Variants in ZNF804A observed in about 807,000 individuals in gnomAD.
ZNF804A encodes zinc finger protein 804A.
Under a neutral mutation model 16.5 loss-of-function variants are expected in ZNF804A, and 2 were observed. That is an observed-to-expected ratio of 0.12 (90% confidence interval 0.05 to 0.38). The LOEUF is 0.38. Ranked by LOEUF, ZNF804A falls within the 10% of genes least tolerant of loss-of-function variation. The pLI, the probability that ZNF804A is intolerant of heterozygous loss-of-function variation, is 0.99. For missense variants in ZNF804A, 1,473 were observed against 1,390.7 expected, an observed-to-expected ratio of 1.06 and a Z score of -0.94; for synonymous variants, 534 against 489.6, an observed-to-expected ratio of 1.09 and a Z score of -1.20.
chr2:184,917,672 T>G (rs1351792745), intron 2 of ZNF804A, among the ~76,000 whole-genome samples: 2 of 151,672 alleles, frequency 1.3e-5, no homozygotes, highest in Non-Finnish European at 2.9e-5. Flanking sequence ...CTATCATAGG[T>G]GTGTGTGTGT....
intron 1 of ZNF804A, among the ~76,000 whole-genome samples, chr2:184,615,959 C>G (rs1447031811): frequency 6.6e-6 from 1 of 152,138 alleles, no homozygotes; most frequent in African/African-American, 2.4e-5. Context: ...TTTTAAGTGA[C>G]AGAACTTGGC....
At chr2:184,663,654 C>A (rs1205251566) in intron 1 of ZNF804A, among the ~76,000 whole-genome samples, 1 of 152,018 alleles carries the variant, frequency 6.6e-6, no homozygotes, top group Non-Finnish European at 1.5e-5. Context: ...AGTCCATGGC[C>A]CAGATTGGGA....
chr2:184,914,700 A>G (rs1411024573), intron 2 of ZNF804A, among the ~76,000 whole-genome samples: 1 of 152,122 alleles, frequency 6.6e-6, no homozygotes, highest in Admixed American at 6.6e-5. Context: ...AATTGTAACT[A>G]TATATACATA....
intron 2 of ZNF804A, among the ~76,000 whole-genome samples, chr2:184,912,072 A>C (rs1350489005): frequency 5.9e-5 from 9 of 151,972 alleles, no homozygotes. Context: ...ACATTTACAT[A>C]GTGTGAACAC....
chr2:184,867,710 C>A (rs907848653), intron 2 of ZNF804A, among the ~76,000 whole-genome samples: 2 of 152,036 alleles, frequency 1.3e-5, no homozygotes, highest in African/African-American at 4.8e-5. Flanking sequence ...ATAAGTATAT[C>A]ATTGCTTGAT....
At chr2:184,728,040 A>G (rs959694614) in intron 1 of ZNF804A, among the ~76,000 whole-genome samples, 2 of 151,916 alleles carry the variant, frequency 1.3e-5, no homozygotes, top group East Asian at 3.9e-4. Context: ...TAATCAACAT[A>G]TAGCAGTCAG....
intron 2 of ZNF804A, among the ~76,000 whole-genome samples, chr2:184,885,702 C>T (rs11900885): frequency 0.062 from 9,418 of 152,082 alleles, 990 homozygotes; most frequent in African/African-American, 0.21. Context: ...ACTTACATGG[C>T]GGCAGCAAGA....
At chr2:184,802,438 T>C (rs765099178) in intron 1 of ZNF804A, among the ~76,000 whole-genome samples, 2 of 152,246 alleles carry the variant, frequency 1.3e-5, no homozygotes, top group Non-Finnish European at 2.9e-5. Flanking sequence ...TCCACAAATA[T>C]GTGGAAACTG....
intron 1 of ZNF804A, among the ~76,000 whole-genome samples, chr2:184,847,882 A>T (rs540343603): frequency 5.9e-5 from 9 of 152,090 alleles, no homozygotes; most frequent in African/African-American, 2.2e-4. Context: ...ATTGCAAAGG[A>T]TAAAACTCAG....
chr2:184,798,137 T>A (rs1014415420), intron 1 of ZNF804A, among the ~76,000 whole-genome samples: 1 of 151,716 alleles, frequency 6.6e-6, no homozygotes, highest in Non-Finnish European at 1.5e-5. Flanking sequence ...CCTTTATAGG[T>A]TACCTGGTTC....
At position 184,935,846 on chromosome 2, in the gene ZNF804A, A is replaced by C. The variant is rs1204277354; in HGVS notation, c.450A>C (p.Glu150Asp). Residue 150 changes from glutamate to aspartate, a missense_variant, in exon 4 of 4, where the codon GAA (glutamate) becomes GAC (aspartate). By Grantham distance (45) the Glu-to-Asp change is conservative (BLOSUM62 2). Transcript: ENST00000302277. ...TTACTGTGAGAGAAAACTGTAATGA[A>C]ATTTCCCAACGAGTTGTTGTGGATT... Reference protein sequence around the residue: ...TTVTVRENCNEISQRVVVDSV... With the variant: ...TTVTVRENCNDISQRVVVDSV... 1 of 1,613,686 alleles carries C rather than the reference A, an allele frequency of 6.2e-7. No individual in the cohort carries two copies.
chr2:184,929,947 T>A (rs1204087113), intron 2 of ZNF804A, among the ~76,000 whole-genome samples: 1 of 152,178 alleles, frequency 6.6e-6, no homozygotes, highest in East Asian at 1.9e-4. Flanking sequence ...GTAAGAATAA[T>A]CCAACCAGTG....
At chr2:184,825,435 A>G (rs531106860) in intron 1 of ZNF804A, among the ~76,000 whole-genome samples, 41 of 152,254 alleles carry the variant, frequency 2.7e-4, no homozygotes, top group Admixed American at 2.6e-3. Flanking sequence ...TTGTTTTCTT[A>G]TGCAATGTAG....
intron 1 of ZNF804A, among the ~76,000 whole-genome samples, chr2:184,697,504 T>C (rs946456772): frequency 6.6e-6 from 1 of 152,082 alleles, no homozygotes; most frequent in Non-Finnish European, 1.5e-5. Flanking sequence ...TTTACTAATA[T>C]ATAAATTTAA....
At chr2:184,763,630 C>CTCTT (rs1491488788) in intron 1 of ZNF804A, among the ~76,000 whole-genome samples, 8 of 21,256 alleles carry the variant, frequency 3.8e-4, no homozygotes, top group Non-Finnish European at 5.5e-4. Flanking sequence ...CTTCAAAGTG[C>CTCTT]TTTTTTTTTT....
chr2:184,684,012 T>C (rs1003311794), intron 1 of ZNF804A, among the ~76,000 whole-genome samples: 7 of 152,218 alleles, frequency 4.6e-5, no homozygotes, highest in African/African-American at 7.2e-5. Context: ...TACCTTGATC[T>C]CCTCTTCCAT....
At position 184,937,523 on chromosome 2, in the gene ZNF804A, A is replaced by G; in HGVS notation, c.2127A>G (p.Ile709Met). 1 of 1,612,110 alleles carries G rather than the reference A, an allele frequency of 6.2e-7. No individual in the cohort carries two copies. Among genetic ancestry groups the G allele is most frequent in the Non-Finnish European group, 8.5e-7 (1 of 1,179,308 alleles). Residue 709 changes from isoleucine (I) to methionine (M), a missense_variant, in exon 4 of 4, where the codon ATA (isoleucine) becomes ATG (methionine). Coordinates refer to ENST00000302277, the MANE Select transcript of ZNF804A (RefSeq NM_194250.2). ...ATGGACAATCAAATGCAACAATGAT[A>G]CATTCTGGGAAACATAATTTAACAT... Reference protein sequence around the residue: ...LLNGQSNATMIHSGKHNLTYS... With the variant: ...LLNGQSNATMMHSGKHNLTYS...
At chr2:184,929,073 C>G (rs887160084) in intron 2 of ZNF804A, among the ~76,000 whole-genome samples, 1 of 151,914 alleles carries the variant, frequency 6.6e-6, no homozygotes, top group Admixed American at 6.6e-5. Flanking sequence ...TCCTTGTGGG[C>G]GGGGGGAAGA....
intron 1 of ZNF804A, among the ~76,000 whole-genome samples, chr2:184,712,499 G>A (rs1477875685): frequency 6.6e-6 from 1 of 151,668 alleles, no homozygotes; most frequent in African/African-American, 2.4e-5. Context: ...ATGAGTCTTG[G>A]TGTAAGTTAA....
Sources: allele counts gnomAD v4.1 joint callset (sites outside exome capture counted in the v4.1 genomes callset), GRCh38; gene constraint gnomAD v4.1.1; transcripts MANE v1.5; gene names NCBI Gene and HGNC (gene_info 2026-07-23, HGNC 2026-07-21).